TRIM36: variants seen among roughly 807,000 people sequenced by gnomAD.
TRIM36 encodes tripartite motif containing 36.
In TRIM36, 42 loss-of-function variants were observed where a neutral mutation model predicts 72.4. The observed-to-expected ratio is 0.58, with a 90% CI of 0.45 to 0.75. The LOEUF is 0.75. Among genes scored for constraint, TRIM36 ranks in the 30% least tolerant of loss-of-function variants. The pLI, the probability that TRIM36 is intolerant of heterozygous loss-of-function variation, is 0.00. For missense variants in TRIM36, 913 were observed against 857.1 expected, an observed-to-expected ratio of 1.07 and a Z score of -0.81; for synonymous variants, 315 against 282.8, an observed-to-expected ratio of 1.11 and a Z score of -1.14.
At chr5:115,166,367 T>C (rs1392134046) in intron 1 of TRIM36, among the ~76,000 whole-genome samples, 1 of 152,062 alleles carries the variant, frequency 6.6e-6, no homozygotes, top group East Asian at 1.9e-4. Context: ...AGCTACCCAC[T>C]TGGGTCTCCT....
At chr5:115,176,580 A>C (rs1755350184) in intron 1 of TRIM36, among the ~76,000 whole-genome samples, 1 of 152,236 alleles carries the variant, frequency 6.6e-6, no homozygotes, top group East Asian at 1.9e-4. Flanking sequence ...CTGGCTATTT[A>C]CACATAAATG....
chr5:115,139,007 G>C (rs569474806), intron 5 of TRIM36, among the ~76,000 whole-genome samples: 1 of 151,794 alleles, frequency 6.6e-6, no homozygotes, highest in South Asian at 2.1e-4. Context: ...TTTTAGTAGA[G>C]ATGGGGTTTC....
chr5:115,132,679 C>T (rs1251736686), intron 8 of TRIM36, among the ~76,000 whole-genome samples: 1 of 152,032 alleles, frequency 6.6e-6, no homozygotes, highest in Non-Finnish European at 1.5e-5. Flanking sequence ...TCAAAAGTCT[C>T]CCAGTTTGCA....
intron 1 of TRIM36, among the ~76,000 whole-genome samples, chr5:115,164,067 T>C (rs1230267714): frequency 1.3e-5 from 2 of 152,172 alleles, no homozygotes; most frequent in Non-Finnish European, 2.9e-5. Flanking sequence ...AGTGCACTGA[T>C]TTAGGACTTC....
At chr5:115,163,977 A>G (rs1754627982) in intron 1 of TRIM36, among the ~76,000 whole-genome samples, 2 of 152,218 alleles carry the variant, frequency 1.3e-5, no homozygotes, top group Admixed American at 1.3e-4. Context: ...GCAAAAATGA[A>G]GAGAAAAATT....
intron 8 of TRIM36, 90 bp downstream of exon 8, chr5:115,133,770 C>T: frequency 7.7e-7 from 1 of 1,300,806 alleles, no homozygotes; most frequent in Non-Finnish European, 1.0e-6. Flanking sequence ...GGTTTCAGTG[C>T]AGGTCTACAT....
At chr5:115,136,429 G>A (rs557296772) in intron 7 of TRIM36, among the ~76,000 whole-genome samples, 1 of 152,244 alleles carries the variant, frequency 6.6e-6, no homozygotes, top group South Asian at 2.1e-4. Context: ...CTCCAGAAAT[G>A]TAACAAAATG....
intron 8 of TRIM36, 123 bp from the exon 9 acceptor site, chr5:115,131,012 T>C: frequency 1.8e-6 from 2 of 1,096,328 alleles, no homozygotes; most frequent in East Asian, 2.6e-5. Context: ...GGTGTCACAC[T>C]ACCCCGGACA....
chr5:115,138,961 G>A (rs567009001), intron 5 of TRIM36, among the ~76,000 whole-genome samples: 41 of 151,858 alleles, frequency 2.7e-4, no homozygotes, highest in African/African-American at 7.7e-4. Flanking sequence ...GACTACGGGC[G>A]CCCGCCACCA....
intron 1 of TRIM36, among the ~76,000 whole-genome samples, chr5:115,166,015 G>A (rs1022766965): frequency 6.6e-6 from 1 of 152,184 alleles, no homozygotes; most frequent in Non-Finnish European, 1.5e-5. Flanking sequence ...ACGTGGGAGG[G>A]AGGCCAAGGG....
At chr5:115,134,753 G>C (rs1373593942) in intron 7 of TRIM36, among the ~76,000 whole-genome samples, 1 of 152,080 alleles carries the variant, frequency 6.6e-6, no homozygotes, top group African/African-American at 2.4e-5. Flanking sequence ...TGTTAGCCAG[G>C]ATGTTCTCGA....
At chr5:115,130,931 T>C (rs755814191) in intron 8 of TRIM36, 42 bp from the exon 9 acceptor site, 6 of 1,553,430 alleles carry the variant, frequency 3.9e-6, no homozygotes, top group South Asian at 2.4e-5. Context: ...AAAATTATCA[T>C]TGCTCTAGTT....
chr5:115,177,736 A>G (rs759764108), intron 1 of TRIM36: 9 of 1,613,930 alleles, frequency 5.6e-6, no homozygotes, highest in African/African-American at 1.3e-5. Context: ...CACAAAACAG[A>G]GAGAGGAATT....
intron 1 of TRIM36, among the ~76,000 whole-genome samples, chr5:115,178,305 T>C (rs1755438118): frequency 6.6e-6 from 1 of 152,218 alleles, no homozygotes; most frequent in Admixed American, 6.5e-5. Flanking sequence ...ATTTATTTTG[T>C]TCAACCAAAG....
chr5:115,134,662 T>C (rs1752871297), intron 7 of TRIM36, among the ~76,000 whole-genome samples: 1 of 152,070 alleles, frequency 6.6e-6, no homozygotes, highest in African/African-American at 2.4e-5. Context: ...CGCCTCAGCC[T>C]CCCAAGTAGC....
upstream of TRIM36, among the ~76,000 whole-genome samples, chr5:115,174,764 T>C (rs912650106): frequency 7.2e-5 from 11 of 152,234 alleles, no homozygotes; most frequent in African/African-American, 2.7e-4. Flanking sequence ...TGATGTTTGA[T>C]GTTTTGTCTT....
At chr5:115,177,852 C>T (rs1250016751) in intron 1 of TRIM36, 1 of 1,614,138 alleles carries the variant, frequency 6.2e-7, no homozygotes. Context: ...CATGGGTTTG[C>T]TGCAGGCCCA....
intron 2 of TRIM36, among the ~76,000 whole-genome samples, chr5:115,157,021 T>C (rs1447493073): frequency 6.6e-6 from 1 of 151,930 alleles, no homozygotes; most frequent in East Asian, 1.9e-4. Context: ...TAGACAATTC[T>C]CAAAAGAAGA....
At chr5:115,146,338 TA>T (rs1351396042) in intron 3 of TRIM36, among the ~76,000 whole-genome samples, 1 of 152,166 alleles carries the variant, frequency 6.6e-6, no homozygotes, top group Non-Finnish European at 1.5e-5. Context: ...GTTTTACACT[TA>T]AAAATGCAAG....
Sources: allele counts gnomAD v4.1 joint callset (sites outside exome capture counted in the v4.1 genomes callset), GRCh38; gene constraint gnomAD v4.1.1; transcripts MANE v1.5; gene names NCBI Gene and HGNC (gene_info 2026-07-23, HGNC 2026-07-21).